The following CABP4 variants were observed in gnomAD, a reference collection of about 807,000 sequenced individuals.
The protein encoded by CABP4 is calcium binding protein 4, also known as calcium-binding protein 4.
Under a neutral mutation model 30.7 loss-of-function variants are expected in CABP4, and 30 were observed. The ratio of observed to expected loss-of-function variants is 0.98; its 90% CI spans 0.73 to 1.33. CABP4 has a LOEUF of 1.33. Among genes scored for constraint, CABP4 ranks in the 40% most tolerant of loss-of-function variants. The pLI is 0.00. For missense variants in CABP4, 424 were observed against 395.5 expected (o/e 1.07, Z -0.61); for synonymous variants, 161 against 159.2 (o/e 1.01, Z -0.08).
chr11:67,455,632 G>A lies in CABP4; in HGVS notation c.209G>A (p.Ser70Asn), dbSNP rs777994396. 3 of 1,609,604 alleles carry A rather than the reference G, an allele frequency of 1.9e-6. No homozygotes were observed. The highest frequency in any genetic ancestry group is 2.5e-6 in the Non-Finnish European group (3 of 1,179,062). ...EQTGPEAPGS[S>N]NNPPSTGEGP... ...ACAGGCCCCGAGGCCCCGGGGAGCA[G>A]CAATAACCCTCCCAGCACTGGAGAG... Residue 70 changes from serine to asparagine, a missense_variant, in exon 1 of 6, where the codon AGC (serine) becomes AAC (asparagine). Physicochemically the swap from Ser to Asn is conservative, Grantham distance 46. Coordinates refer to ENST00000325656, the MANE Select transcript of CABP4 (RefSeq NM_145200.5).
At chr11:67,453,670 A>AAAT (rs2135165231), upstream of CABP4, 1 of 151,958 alleles carries the variant, frequency 6.6e-6, no homozygotes, top group East Asian at 1.9e-4. Flanking sequence ...TCAAAAAAAA[A>AAAT]AAAAAAAAAA....
chr11:67,455,480 G>A lies in CABP4; in HGVS notation c.57G>A (p.Gln19=). ...GCCCAAATCTGGCCATTGGCCGTCA[G>A]AAGCCCCCTGCGGGGGTTGTGACTC... ...QQGPNLAIGR[Q]KPPAGVVTPK... is the part of the protein sequence containing the mutation. Residue 19 remains glutamine, a synonymous_variant, in exon 1 of 6, where the codon CAG becomes CAA. Transcript: ENST00000325656. 1 of 1,610,418 alleles carries A rather than the reference G, an allele frequency of 6.2e-7. No individual in the cohort carries two copies. Among genetic ancestry groups the A allele is most frequent in the Non-Finnish European group, 8.5e-7 (1 of 1,179,174 alleles).
In CABP4 at chr11:67,460,509, T is replaced by A. The variant is rs61889863; in HGVS notation, c.*1850T>A. 1.0e-5 allele frequency among the ~76,000 whole-genome samples: 1 copy of A among 100,008 alleles called. No homozygotes were observed. The highest frequency in any genetic ancestry group is 1.9e-5 in the Non-Finnish European group (1 of 52,456). The allele number at this position is 100,008 out of a possible 152,430, so 65.6% of individuals were successfully genotyped here. A position where few individuals can be genotyped will look rare whatever the true frequency, so the allele number is the denominator to read the frequency against. ...TTCTGTTAAAAAAATAAAGTATATT[T>A]TATATATACACACACACACACACAC... is the stretch of plus-strand genomic sequence containing the variant. On this transcript the variant is annotated 3_prime_UTR_variant, in exon 6 of 6. Coordinates refer to ENST00000325656, the MANE Select transcript of CABP4 (RefSeq NM_145200.5).
intron 4 of CABP4, among the ~76,000 whole-genome samples, chr11:67,458,004 A>G (rs1864882721): frequency 6.6e-6 from 1 of 152,182 alleles, no homozygotes; most frequent in Non-Finnish European, 1.5e-5. Context: ...CACGCCTGCA[A>G]TCCCAGCACT....
intron 3 of CABP4, 77 bp downstream of exon 3, chr11:67,456,519 T>C: frequency 6.4e-7 from 1 of 1,561,640 alleles, no homozygotes; most frequent in South Asian, 1.1e-5. Flanking sequence ...AGGTGGCCCT[T>C]GGGAGTCCAT....
At chr11:67,452,914 T>TAGA, upstream of CABP4, 2 of 545,836 alleles carry the variant, frequency 3.7e-6, no homozygotes, top group Admixed American at 6.6e-5. Flanking sequence ...CCTCATGGAG[T>TAGA]CCTCATACAA....
Position 67,455,387 on chromosome 11 carries a change from G to A in CABP4, c.-37G>A. ...GGGTCCTGAAAGCCAAGGGTGCCCA[G>A]GGGTGTGGTGTCTCTGAGCCCTGTT... On this transcript the variant is annotated 5_prime_UTR_variant, in exon 1 of 6. Transcript: ENST00000325656. The A allele has an allele frequency of 1.3e-6, 2 of 1,582,016 alleles. No individual in the cohort carries two copies. Among genetic ancestry groups the A allele is most frequent in the Non-Finnish European group, 1.7e-6 (2 of 1,165,430 alleles).
At chr11:67,452,888 G>T (rs1051198130), upstream of CABP4, 3 of 611,132 alleles carry the variant, frequency 4.9e-6, no homozygotes. Context: ...CTATGCCAAG[G>T]ACTTGAAGTG....
chr11:67,459,311 T>C lies in CABP4; in HGVS notation c.*652T>C, dbSNP rs1344436403. ...GACAAAGAAATCAAAGCTGGGGTTGTAAGAGGGAGCTGACGCTGTGGGGGT... is the reference window on the plus strand; with the variant it reads ...GACAAAGAAATCAAAGCTGGGGTTGCAAGAGGGAGCTGACGCTGTGGGGGT... On this transcript the variant is annotated 3_prime_UTR_variant, in exon 6 of 6. Transcript: ENST00000325656. The C allele has an allele frequency of 6.5e-6, 1 of 153,766 alleles. No homozygotes were observed. The highest frequency in any genetic ancestry group is 1.9e-4 in the East Asian group (1 of 5,222). 9.5% of individuals were successfully genotyped at this position (153,766 alleles called of 1,614,324 possible). A position where few individuals can be genotyped will look rare whatever the true frequency, so the allele number is the denominator to read the frequency against.
upstream of CABP4, among the ~76,000 whole-genome samples, chr11:67,454,912 A>G (rs553542816): frequency 5.9e-4 from 90 of 152,156 alleles, no homozygotes; most frequent in Admixed American, 2.9e-3. Flanking sequence ...GATGTCACCC[A>G]TGGGGGGGCC....
rs770830494 is a variant in CABP4, at chr11:67,458,458, G to T, written c.739G>T (p.Glu247Ter). 1.9e-6 allele frequency: 3 copies of T among 1,613,970 alleles called. No homozygotes were observed. The Admixed American group carries it at 5.0e-5, about 27-fold the overall frequency. ...ALLGEPLAGP[E>*]LDEMLREVDL... ...GCTCGGGGAGCCGCTGGCGGGTCCT[G>T]AGCTGGACGAGATGCTCCGAGAAGT... Residue 247 changes from glutamate (E) to a stop codon, truncating the protein, a stop_gained, in exon 5 of 6, where the codon GAG (glutamate) becomes TAG (stop). Transcript: ENST00000325656. LOFTEE classifies it high-confidence loss of function.
upstream of CABP4, among the ~76,000 whole-genome samples, chr11:67,454,838 C>T (rs574108100): frequency 6.6e-4 from 101 of 152,336 alleles, no homozygotes; most frequent in Middle Eastern, 3.4e-3. Flanking sequence ...CTCCTCAAAA[C>T]GGCATTCGAG....
At position 67,459,107 on chromosome 11, in the gene CABP4, G is replaced by A. The variant is rs1353751299; in HGVS notation, c.*448G>A. 1.0e-5 allele frequency: 2 copies of A among 198,912 alleles called. No individual in the cohort carries two copies. The highest frequency in any genetic ancestry group is 1.1e-5 in the Non-Finnish European group (1 of 94,860). The allele number at this position is 198,912 out of a possible 1,614,324, so 12.3% of individuals were successfully genotyped here. The stretch of plus-strand genomic sequence containing the variant: ...ACACCTGTAAGCCCAGCTGTCAGGG[G>A]GCAGAAGCGGGAGGATAGCTTGAGC... On this transcript the variant is annotated 3_prime_UTR_variant, in exon 6 of 6. Transcript: ENST00000325656.
chr11:67,454,051 G>A (rs1864668221), upstream of CABP4, among the ~76,000 whole-genome samples: 1 of 152,128 alleles, frequency 6.6e-6, no homozygotes, highest in Non-Finnish European at 1.5e-5. Context: ...ACCCCACCGC[G>A]GCCCTCTCCC....
At chr11:67,454,115 A>T (rs182757674), upstream of CABP4, among the ~76,000 whole-genome samples, 49 of 152,156 alleles carry the variant, frequency 3.2e-4, no homozygotes, top group African/African-American at 1.1e-3. Context: ...GGAGCTGCTA[A>T]AGAGAGGGGG....
At chr11:67,453,013 T>TACAC, upstream of CABP4, 1 of 206,190 alleles carries the variant, frequency 4.8e-6, no homozygotes, top group Non-Finnish European at 8.8e-6. Flanking sequence ...TTTTCTTTTC[T>TACAC]TTTCTTTTTT....
Position 67,455,483 on chromosome 11 carries a change from G to GCCAGAA in CABP4, c.62_63insAGAACC (p.Pro21_Pro22insGluPro). 1 of 1,609,756 alleles carries GCCAGAA rather than the reference G, an allele frequency of 6.2e-7. No homozygotes were observed. The highest frequency in any genetic ancestry group is 2.2e-5 in the East Asian group (1 of 44,824). Reference sequence around the variant, plus strand: ...CAAATCTGGCCATTGGCCGTCAGAAGCCCCCTGCGGGGGTTGTGACTCCCA... The same window carrying GCCAGAA: ...CAAATCTGGCCATTGGCCGTCAGAAGCCAGAACCCCCTGCGGGGGTTGTGACTCCCA... On this transcript the variant is annotated inframe_insertion, in exon 1 of 6. Coordinates refer to ENST00000325656, the MANE Select transcript of CABP4 (RefSeq NM_145200.5).
At chr11:67,454,249 G>A (rs1237103944), upstream of CABP4, among the ~76,000 whole-genome samples, 1 of 152,198 alleles carries the variant, frequency 6.6e-6, no homozygotes, top group Non-Finnish European at 1.5e-5. Flanking sequence ...CGGGGAGGGA[G>A]TTTCCCTTTG....
Position 67,455,613 on chromosome 11 carries a change from C to T in CABP4, c.190C>T (p.Pro64Ser), listed in dbSNP as rs1864744227. 1.9e-6 allele frequency: 3 copies of T among 1,607,174 alleles called. No individual in the cohort carries two copies. The highest frequency in any genetic ancestry group is 1.6e-4 in the Middle Eastern group (1 of 6,070). Residue 64 changes from proline to serine, a missense_variant, in exon 1 of 6, where the codon CCC becomes TCC. Coordinates refer to ENST00000325656, the MANE Select transcript of CABP4 (RefSeq NM_145200.5). Reference sequence around the variant, plus strand: ...TGGCAGCTCTGGGGAGCAGACAGGCCCCGAGGCCCCGGGGAGCAGCAATAA... The same window carrying T: ...TGGCAGCTCTGGGGAGCAGACAGGCTCCGAGGCCCCGGGGAGCAGCAATAA... ...RTGSSGEQTG[P>S]EAPGSSNNPP...
Sources: gnomAD v4.1 joint callset for allele counts (sites outside exome capture counted in the v4.1 genomes callset) on GRCh38, gnomAD v4.1.1 for gene constraint, MANE v1.5 for transcripts, NCBI Gene and HGNC (gene_info 2026-07-23, HGNC 2026-07-21) for gene names.